The following SCIN variants were observed in gnomAD, a reference collection of about 807,000 sequenced individuals.
SCIN encodes the protein scinderin, also known as adseverin.
A neutral mutation model predicts 91.8 loss-of-function variants in SCIN; 91 were observed. The observed-to-expected ratio is 0.99, with a 90% confidence interval of 0.84 to 1.18. The LOEUF (loss-of-function observed/expected upper bound fraction) is 1.18. Among genes scored for constraint, SCIN ranks in the 50% most tolerant of loss-of-function variants. The pLI is 0.00. For missense variants in SCIN, 1,087 were observed against 863.9 expected (o/e 1.26, Z -3.24); for synonymous variants, 367 against 312.6 (o/e 1.17, Z -1.84).
intron 3 of SCIN, among the ~76,000 whole-genome samples, chr7:12,590,734 G>A (rs1365872419): frequency 6.6e-6 from 1 of 152,098 alleles, no homozygotes; most frequent in African/African-American, 2.4e-5. Flanking sequence ...CCTGTTCGAT[G>A]TCCTCAACAG....
chr7:12,571,082 G>A (rs1213948702), intron 1 of SCIN, 97 bp downstream of exon 1: 26 of 1,290,508 alleles, frequency 2.0e-5, no homozygotes, highest in African/African-American at 4.5e-5. Flanking sequence ...AAAGGGGACC[G>A]CAAACTGAGC....
At position 12,629,157 on chromosome 7, in the gene SCIN, ATT is replaced by A. The variant is rs750329691; in HGVS notation, c.1255_1256del (p.Phe419LeufsTer4). 32 of 1,613,228 alleles carry A rather than the reference ATT, an allele frequency of 2.0e-5. No homozygotes were observed. Among genetic ancestry groups the A allele is most frequent in the Non-Finnish European group, 2.7e-5 (32 of 1,179,484 alleles). On this transcript the variant is annotated frameshift_variant, in exon 9 of 16. Coordinates refer to ENST00000297029, the MANE Select transcript of SCIN (RefSeq NM_001112706.3). LOFTEE classifies it high-confidence loss of function. ...AAGTTGACCAAAACTCATATGGTGA[ATT>A]CTATGGTGGTGACTGCTACATCATA... The part of the protein sequence containing the change: ...IQVDQNSYGE[F>X]YGGDCYIILY...
chr7:12,650,032 A>C (rs1004856644), intron 14 of SCIN, among the ~76,000 whole-genome samples: 27 of 152,336 alleles, frequency 1.8e-4, no homozygotes, highest in African/African-American at 6.5e-4. Context: ...TTTTCAAGGA[A>C]ATTAGTGGTG....
intron 1 of SCIN, 198 bp downstream of exon 1, chr7:12,571,183 G>C (rs73680854): frequency 0.061 from 37,199 of 611,800 alleles, 1,660 homozygotes; most frequent in South Asian, 0.15. Flanking sequence ...GCGGGGCTCA[G>C]GCGTTGTCCG....
At chr7:12,579,863 G>A (rs1407311416) in intron 2 of SCIN, among the ~76,000 whole-genome samples, 1 of 152,174 alleles carries the variant, frequency 6.6e-6, no homozygotes, top group East Asian at 1.9e-4. Flanking sequence ...GCAGTGAGGC[G>A]AGGTCATGCC....
At chr7:12,628,032 CGT>C (rs59555647) in intron 8 of SCIN, among the ~76,000 whole-genome samples, 69,794 of 145,910 alleles carry the variant, frequency 0.48, 16,406 homozygotes, top group South Asian at 0.55. Context: ...AGTGTGCGCG[CGT>C]GTGTGTGTGT....
At chr7:12,631,311 T>G (rs1783636973) in intron 9 of SCIN, among the ~76,000 whole-genome samples, 1 of 152,204 alleles carries the variant, frequency 6.6e-6, no homozygotes, top group Admixed American at 6.5e-5. Context: ...TTATACGTAA[T>G]GAGAAACAGA....
At chr7:12,626,480 C>G (rs1214562926) in intron 7 of SCIN, 104 bp from the exon 8 acceptor site, 2 of 896,296 alleles carry the variant, frequency 2.2e-6, no homozygotes, top group Non-Finnish European at 3.3e-6. Flanking sequence ...ATAGCTAAAC[C>G]AGGATAATTT....
chr7:12,580,575 C>T (rs6969465), intron 2 of SCIN, among the ~76,000 whole-genome samples: 5,616 of 152,184 alleles, frequency 0.037, 368 homozygotes, highest in African/African-American at 0.13. Flanking sequence ...TCCTGGCCAG[C>T]ACTCAACAAC....
In SCIN at chr7:12,622,817, C is replaced by T. The variant is rs773134258; in HGVS notation, c.683C>T (p.Pro228Leu). The change falls in exon 5 of 16, where the codon CCA (proline) becomes CTA (leucine). Residue 228 changes from proline to leucine, a missense_variant. Transcript: ENST00000297029. ...SELIKVLGEK[P>L]ELPDGGDDDD... is the part of the protein sequence containing the mutation. ...TTTTTCCAGGTCTTAGGGGAAAAGCCAGAGCTTCCAGATGGAGGTGATGAT... is the reference window on the plus strand; with the variant it reads ...TTTTTCCAGGTCTTAGGGGAAAAGCTAGAGCTTCCAGATGGAGGTGATGAT... The T allele has an allele frequency of 1.2e-6, 2 of 1,612,892 alleles. No homozygotes were observed. The highest frequency in any genetic ancestry group is 1.7e-5 in the Admixed American group (1 of 59,906).
At chr7:12,606,632 CAT>C (rs1783084846) in intron 4 of SCIN, among the ~76,000 whole-genome samples, 1 of 152,074 alleles carries the variant, frequency 6.6e-6, no homozygotes, top group African/African-American at 2.4e-5. Flanking sequence ...ATTATACTAA[CAT>C]ATAATATGTG....
At position 12,644,832 on chromosome 7, in the gene SCIN, A is replaced by G. The variant is rs867827446; in HGVS notation, c.1881+127A>G. 8.8e-6 allele frequency: 7 copies of G among 791,716 alleles called. No homozygotes were observed. In the African/African-American group the frequency reaches 8.9e-5, roughly 10 times the overall value. The allele number at this position is 791,716 out of a possible 1,614,324, so 49.0% of individuals were successfully genotyped here. ...GGAGTTCGAGACCAGCCTGACCAAC[A>G]TGTAGAAACCGTCTCTACTAAAAAT... On this transcript the variant is annotated intron_variant, in intron 13 of 15. Coordinates refer to ENST00000297029, the MANE Select transcript of SCIN (RefSeq NM_001112706.3).
At chr7:12,590,038 A>G (rs73680872) in intron 3 of SCIN, among the ~76,000 whole-genome samples, 45 of 152,160 alleles carry the variant, frequency 3.0e-4, no homozygotes, top group African/African-American at 1.0e-3. Flanking sequence ...CCAGCATGGG[A>G]TATGGAGACG....
chr7:12,593,859 C>T lies in SCIN; in HGVS notation c.517-10655C>T, dbSNP rs138291195. On this transcript the variant is annotated intron_variant, in intron 3 of 15. Coordinates refer to ENST00000297029, the MANE Select transcript of SCIN (RefSeq NM_001112706.3). ...AGGTCATCGGCATATGCCTGTGCTGCGAGCCACACTCTTTCCTTCTCTTCT... is the reference window on the plus strand; with the variant it reads ...AGGTCATCGGCATATGCCTGTGCTGTGAGCCACACTCTTTCCTTCTCTTCT... Among the ~76,000 whole-genome samples the T allele has an allele frequency of 2.0e-5, 3 of 150,106 alleles. 1 individual carries two copies. The East Asian group carries it at 6.0e-4, about 30-fold the overall frequency.
At chr7:12,600,938 T>C (rs755976665) in intron 3 of SCIN, among the ~76,000 whole-genome samples, 1 of 152,214 alleles carries the variant, frequency 6.6e-6, no homozygotes, top group South Asian at 2.1e-4. Context: ...AACTTTGTCA[T>C]GGTATTCAAA....
intron 6 of SCIN, among the ~76,000 whole-genome samples, 177 bp downstream of exon 6, chr7:12,625,319 A>T (rs1187505809): frequency 1.3e-5 from 2 of 151,644 alleles, no homozygotes; most frequent in African/African-American, 2.4e-5. Flanking sequence ...TATACCAGGG[A>T]TTATGGAGTT....
At chr7:12,643,005 A>G (rs1174721154) in intron 11 of SCIN, among the ~76,000 whole-genome samples, 3 of 152,162 alleles carry the variant, frequency 2.0e-5, no homozygotes, top group East Asian at 1.9e-4. Flanking sequence ...ACATTTAAAA[A>G]CTATCAAAAT....
chr7:12,652,524 A>G (rs1784100496), intron 15 of SCIN, 64 bp from the exon 16 acceptor site: 16 of 1,434,092 alleles, frequency 1.1e-5, no homozygotes, highest in Non-Finnish European at 1.4e-5. Flanking sequence ...AGAATTTTCA[A>G]TCTGCAGTTA....
At chr7:12,573,638 C>T (rs1404446884) in intron 1 of SCIN, among the ~76,000 whole-genome samples, 1 of 152,108 alleles carries the variant, frequency 6.6e-6, no homozygotes, top group Non-Finnish European at 1.5e-5. Flanking sequence ...AGTTTAAATG[C>T]ATCCATTCAC....
Sources: allele counts gnomAD v4.1 joint callset (sites outside exome capture counted in the v4.1 genomes callset), GRCh38; gene constraint gnomAD v4.1.1; transcripts MANE v1.5; gene names NCBI Gene and HGNC (gene_info 2026-07-23, HGNC 2026-07-21).